Variants in RORA observed in about 807,000 individuals in gnomAD.
The protein encoded by RORA is nuclear receptor ROR-alpha.
RORA carries 7 observed loss-of-function variants against 69.5 expected under a neutral mutation model. The observed-to-expected ratio is 0.10, with a 90% CI of 0.06 to 0.19. The LOEUF is 0.19. RORA is among the 10% of genes least tolerant of loss of function. The pLI is 1.00. For synonymous variants in RORA, 261 were observed against 240.8 expected (o/e 1.08, Z -0.78); for missense variants, 457 against 663.0 (o/e 0.69, Z 3.41).
chr15:61,047,952 T>A (rs904579566), intron 1 of RORA, among the ~76,000 whole-genome samples: 1 of 152,124 alleles, frequency 6.6e-6, no homozygotes, highest in African/African-American at 2.4e-5. Flanking sequence ...GTGGCAAAAA[T>A]GAGCAACGTT....
At chr15:60,846,395 T>C (rs2073265744) in intron 1 of RORA, among the ~76,000 whole-genome samples, 1 of 152,260 alleles carries the variant, frequency 6.6e-6, no homozygotes, top group African/African-American at 2.4e-5. Flanking sequence ...TTCTCTATCG[T>C]AACTGCTTCT....
chr15:61,009,774 T>C lies in RORA; in HGVS notation c.166+219279A>G, dbSNP rs141510394. On this transcript the variant is annotated intron_variant, in intron 1 of 10. Transcript: ENST00000335670. Reference sequence around the variant, plus strand: ...GTCCTGACATGATTAACCTGGGCAATTGACACATAAAAAGGATCTTAATCC... The same window carrying C: ...GTCCTGACATGATTAACCTGGGCAACTGACACATAAAAAGGATCTTAATCC... 6.2e-3 allele frequency among the ~76,000 whole-genome samples: 946 copies of C among 152,284 alleles called. 5 individuals are homozygous for C. Among genetic ancestry groups the C allele is most frequent in the African/African-American group, 0.021 (853 of 41,542 alleles).
chr15:61,195,993 C>A (rs533553664), intron 1 of RORA: 11 of 152,286 alleles, frequency 7.2e-5, no homozygotes, highest in African/African-American at 2.6e-4. Flanking sequence ...GCCTACTTGA[C>A]AGATATGTCT....
Position 61,024,328 on chromosome 15 carries a change from C to T in RORA, c.166+204725G>A, listed in dbSNP as rs375701355. ...ATCTTGCTCTGGTGCCAAGTGCCCA[C>T]GCTGGAGTGCAGTGGTTCAGTCATA... On this transcript the variant is annotated intron_variant, in intron 1 of 10. Coordinates refer to ENST00000335670, the MANE Select transcript of RORA (RefSeq NM_134261.3). Among the ~76,000 whole-genome samples, 38 of 144,880 alleles carry T rather than the reference C, an allele frequency of 2.6e-4. 1 individual carries two copies. In the South Asian group the frequency reaches 5.6e-3, roughly 21 times the overall value.
At chr15:61,021,087 G>A (rs1284316634) in intron 1 of RORA, among the ~76,000 whole-genome samples, 4 of 152,354 alleles carry the variant, frequency 2.6e-5, no homozygotes, top group Non-Finnish European at 5.9e-5. Flanking sequence ...TCAAGGTGGG[G>A]AGATGACAGT....
chr15:60,744,336 T>C (rs1223285211), intron 1 of RORA, among the ~76,000 whole-genome samples: 2 of 152,240 alleles, frequency 1.3e-5, no homozygotes, highest in African/African-American at 4.8e-5. Context: ...GGCAGCTCCA[T>C]TTCATACAAA....
At chr15:60,522,771 A>G (rs1464892559) in intron 3 of RORA, among the ~76,000 whole-genome samples, 1 of 32,980 alleles carries the variant, frequency 3.0e-5, no homozygotes, top group African/African-American at 5.4e-5. Flanking sequence ...CCTGTGTCTT[A>G]AAAAAAAAAA....
At chr15:60,736,366 C>T (rs1243435902) in intron 1 of RORA, among the ~76,000 whole-genome samples, 1 of 152,176 alleles carries the variant, frequency 6.6e-6, no homozygotes, top group Admixed American at 6.5e-5. Flanking sequence ...CTGTCTCCCT[C>T]TTCCAACTAG....
At chr15:61,206,084 A>G (rs2079938465) in intron 1 of RORA, among the ~76,000 whole-genome samples, 2 of 152,228 alleles carry the variant, frequency 1.3e-5, no homozygotes, top group African/African-American at 4.8e-5. Context: ...TAAGCTATCA[A>G]TAAGAGCTCC....
At chr15:60,909,249 C>T (rs145955964) in intron 1 of RORA, among the ~76,000 whole-genome samples, 1 of 152,214 alleles carries the variant, frequency 6.6e-6, no homozygotes, top group Non-Finnish European at 1.5e-5. Flanking sequence ...ATTCCAGGTA[C>T]TCTGCTGATG....
chr15:60,903,385 G>A (rs866313926), intron 1 of RORA, among the ~76,000 whole-genome samples: 3 of 152,126 alleles, frequency 2.0e-5, no homozygotes, highest in African/African-American at 7.2e-5. Context: ...ACTGTTGGAC[G>A]CGTTTATGGG....
rs1325557518 is a variant in RORA, at chr15:61,147,759, G to GCA, written c.166+81292_166+81293dup. 8.1e-6 allele frequency among the ~76,000 whole-genome samples: 1 copy of GCA among 123,914 alleles called. No homozygotes were observed. The highest frequency in any genetic ancestry group is 1.7e-5 in the Non-Finnish European group (1 of 58,236). The allele number at this position is 123,914 out of a possible 152,430, so 81.3% of individuals were successfully genotyped here. ...AGGTTGATGGTCAGTAGGCACGTGC[G>GCA]CACACGCGTGTGTGTGTGTGTGTGT... On this transcript the variant is annotated intron_variant, in intron 1 of 10. Coordinates refer to ENST00000335670, the MANE Select transcript of RORA (RefSeq NM_134261.3). This position sits in a 1 kb window ranked among gnomAD's most constrained non-coding sequence, Gnocchi z 4.1.
rs1460753191 is a variant in RORA, at chr15:60,492,120, A to C, written c.*5335T>G. The stretch of plus-strand genomic sequence containing the variant: ...TTTATTATCAAAAACAACATGGTAA[A>C]GGTATCCTTTTCATCTTACAGACAT... On this transcript the variant is annotated 3_prime_UTR_variant, in exon 11 of 11. Coordinates refer to ENST00000335670, the MANE Select transcript of RORA (RefSeq NM_134261.3). 1 of 152,196 alleles carries C rather than the reference A, an allele frequency of 6.6e-6. No individual in the cohort carries two copies. Among genetic ancestry groups the C allele is most frequent in the Non-Finnish European group, 1.5e-5 (1 of 68,024 alleles). 9.4% of individuals were successfully genotyped at this position (152,196 alleles called of 1,614,324 possible). A position where few individuals can be genotyped will look rare whatever the true frequency, so the allele number is the denominator to read the frequency against.
At chr15:60,738,975 G>A (rs1489812576) in intron 1 of RORA, among the ~76,000 whole-genome samples, 1 of 152,198 alleles carries the variant, frequency 6.6e-6, no homozygotes, top group Non-Finnish European at 1.5e-5. Context: ...AAGGACACCA[G>A]TCATGTCCGA....
In RORA at chr15:60,641,371, C is replaced by T. The variant is rs75167209; in HGVS notation, c.196+37286G>A. Among the ~76,000 whole-genome samples, 233 of 152,214 alleles carry T rather than the reference C, an allele frequency of 1.5e-3. No individual in the cohort carries two copies. The Middle Eastern group carries it at 0.017, about 11-fold the overall frequency. ...ACGTATAATGGGATAAAAATATCGTCCTGAAAGTTGGTGACTGGATTTGAA... is the reference window on the plus strand; with the variant it reads ...ACGTATAATGGGATAAAAATATCGTTCTGAAAGTTGGTGACTGGATTTGAA... On this transcript the variant is annotated intron_variant, in intron 2 of 10. Transcript: ENST00000335670.
chr15:60,980,942 T>A (rs546637562), intron 1 of RORA, among the ~76,000 whole-genome samples: 1 of 143,816 alleles, frequency 7.0e-6, no homozygotes, highest in African/African-American at 2.6e-5. Flanking sequence ...TCTAGTAACT[T>A]AAGGTGGAGT....
At chr15:60,947,130 C>T (rs971113237) in intron 1 of RORA, among the ~76,000 whole-genome samples, 2 of 151,042 alleles carry the variant, frequency 1.3e-5, no homozygotes, top group South Asian at 2.1e-4. Context: ...AGCCCCCACC[C>T]GGCCAGCCCC....
chr15:60,947,031 C>G (rs1316216407), intron 1 of RORA, among the ~76,000 whole-genome samples: 1 of 150,952 alleles, frequency 6.6e-6, no homozygotes, highest in Non-Finnish European at 1.5e-5. Flanking sequence ...GGCCAGCCCC[C>G]GCCCGGCCAG....
chr15:60,783,019 A>G (rs2072285584), intron 1 of RORA, among the ~76,000 whole-genome samples: 1 of 152,208 alleles, frequency 6.6e-6, no homozygotes, highest in Non-Finnish European at 1.5e-5. Flanking sequence ...AATACTACAC[A>G]AATTGTACTA....
Sources: gnomAD v4.1 joint callset for allele counts (sites outside exome capture counted in the v4.1 genomes callset) on GRCh38, gnomAD v4.1.1 for gene constraint, Gnocchi (gnomAD v3.1) non-coding constraint, MANE v1.5 for transcripts, NCBI Gene and HGNC (gene_info 2026-07-23, HGNC 2026-07-21) for gene names.